The following SLC16A10 variants were observed in gnomAD, a reference collection of about 807,000 sequenced individuals.
SLC16A10 encodes the protein monocarboxylate transporter 10.
Under a neutral mutation model 40.0 loss-of-function variants are expected in SLC16A10, and 27 were observed. The ratio of observed to expected loss-of-function variants is 0.67; its 90% CI spans 0.50 to 0.93. The LOEUF (loss-of-function observed/expected upper bound fraction) is 0.93, where lower values mean the gene tolerates loss of function less well. Among genes scored for constraint, SLC16A10 ranks in the 40% least tolerant of loss-of-function variants. The pLI is 0.00. For missense variants in SLC16A10, 529 were observed against 658.2 expected, an observed-to-expected ratio of 0.80 and a Z score of 2.15; for synonymous variants, 213 against 249.8, an observed-to-expected ratio of 0.85 and a Z score of 1.39.
At chr6:111,185,118 A>G (rs144913824) in intron 3 of SLC16A10, among the ~76,000 whole-genome samples, 1 of 152,262 alleles carries the variant, frequency 6.6e-6, no homozygotes, top group Non-Finnish European at 1.5e-5. Context: ...CCAAAATCTC[A>G]CAGAACCACC....
chr6:111,207,496 A>G (rs1773274010), intron 4 of SLC16A10, among the ~76,000 whole-genome samples: 1 of 152,284 alleles, frequency 6.6e-6, no homozygotes, highest in Admixed American at 6.5e-5. Context: ...CATGCCACAC[A>G]CTCTGCTAAA....
At chr6:111,137,953 G>C (rs983715668) in intron 1 of SLC16A10, among the ~76,000 whole-genome samples, 3 of 152,180 alleles carry the variant, frequency 2.0e-5, no homozygotes, top group African/African-American at 7.2e-5. Flanking sequence ...GAGAGCACAG[G>C]GGGAGGGACA....
At chr6:111,111,062 G>C (rs529740617) in intron 1 of SLC16A10, among the ~76,000 whole-genome samples, 98 of 151,940 alleles carry the variant, frequency 6.4e-4, no homozygotes, top group African/African-American at 2.3e-3. Flanking sequence ...TGCCAGTTCT[G>C]TACAGCCATT....
Position 111,166,893 on chromosome 6 carries a change from T to C in SLC16A10, c.344-5802T>C, listed in dbSNP as rs555915338. Among the ~76,000 whole-genome samples the C allele has an allele frequency of 5.8e-4, 89 of 152,350 alleles. 1 individual carries two copies. Among genetic ancestry groups the C allele is most frequent in the African/African-American group, 2.0e-3 (85 of 41,590 alleles). ...GGTATTTTTCTGTTGAAAGATTTCT[T>C]AACATGGCTTCTTGGATGTGTCTCT... On this transcript the variant is annotated intron_variant, in intron 1 of 5. Coordinates refer to ENST00000368851, the MANE Select transcript of SLC16A10 (RefSeq NM_018593.5).
At chr6:111,151,503 CAA>C (rs1253729134) in intron 1 of SLC16A10, among the ~76,000 whole-genome samples, 3 of 152,198 alleles carry the variant, frequency 2.0e-5, no homozygotes, top group Non-Finnish European at 2.9e-5. Context: ...TGATTTCAGA[CAA>C]TTGTCATTTG....
chr6:111,122,847 A>G (rs1375233196), intron 1 of SLC16A10, among the ~76,000 whole-genome samples: 1 of 152,162 alleles, frequency 6.6e-6, no homozygotes, highest in Non-Finnish European at 1.5e-5. Context: ...GCTTTTCTGC[A>G]TGGTTGGAGT....
intron 4 of SLC16A10, among the ~76,000 whole-genome samples, chr6:111,217,369 A>T (rs1328078023): frequency 6.6e-6 from 1 of 152,234 alleles, no homozygotes; most frequent in African/African-American, 2.4e-5. Flanking sequence ...AGTTGCTATT[A>T]TATGCATACT....
At chr6:111,216,851 A>G (rs565050478) in intron 4 of SLC16A10, among the ~76,000 whole-genome samples, 5 of 152,296 alleles carry the variant, frequency 3.3e-5, no homozygotes, top group African/African-American at 1.2e-4. Flanking sequence ...TTTCAGGAGC[A>G]TGTTTCCTAT....
At chr6:111,163,757 T>C (rs1772419623) in intron 1 of SLC16A10, among the ~76,000 whole-genome samples, 1 of 152,176 alleles carries the variant, frequency 6.6e-6, no homozygotes, top group African/African-American at 2.4e-5. Context: ...CTTTATATTA[T>C]GAAATACAAT....
chr6:111,143,363 A>G (rs1243424426), intron 1 of SLC16A10, among the ~76,000 whole-genome samples: 1 of 151,864 alleles, frequency 6.6e-6, no homozygotes, highest in Non-Finnish European at 1.5e-5. Flanking sequence ...AGTGTGAGCC[A>G]CTATGCCTGA....
intron 1 of SLC16A10, among the ~76,000 whole-genome samples, chr6:111,118,305 C>A (rs536103425): frequency 6.6e-6 from 1 of 152,242 alleles, no homozygotes; most frequent in Admixed American, 6.5e-5. Flanking sequence ...CGAAGTATAA[C>A]CCGCTCAATA....
At chr6:111,131,070 A>G (rs777250082) in intron 1 of SLC16A10, among the ~76,000 whole-genome samples, 3 of 152,184 alleles carry the variant, frequency 2.0e-5, no homozygotes, top group East Asian at 3.9e-4. Flanking sequence ...TTTTCACTCT[A>G]TTAAATCTTG....
chr6:111,205,709 G>A (rs906877964), intron 3 of SLC16A10, among the ~76,000 whole-genome samples: 14 of 152,316 alleles, frequency 9.2e-5, no homozygotes, highest in African/African-American at 3.4e-4. Context: ...GGACTTGAAC[G>A]CAAGCAGTCT....
intron 1 of SLC16A10, among the ~76,000 whole-genome samples, chr6:111,096,113 T>C (rs1199824598): frequency 2.0e-5 from 3 of 152,220 alleles, no homozygotes; most frequent in African/African-American, 4.8e-5. Flanking sequence ...GTTGTACTTA[T>C]GTCAAAGTTG....
chr6:111,120,772 T>C (rs1393746764), intron 1 of SLC16A10, among the ~76,000 whole-genome samples: 1 of 152,232 alleles, frequency 6.6e-6, no homozygotes, highest in African/African-American at 2.4e-5. Flanking sequence ...TTGAGCAAGA[T>C]ATTAGGGTTG....
intron 3 of SLC16A10, among the ~76,000 whole-genome samples, chr6:111,183,382 G>T (rs559928103): frequency 1.3e-5 from 2 of 151,900 alleles, no homozygotes; most frequent in African/African-American, 4.8e-5. Context: ...ATATTTACAC[G>T]TCTGCTAGAA....
chr6:111,164,113 T>C (rs1772428210), intron 1 of SLC16A10, among the ~76,000 whole-genome samples: 1 of 152,236 alleles, frequency 6.6e-6, no homozygotes, highest in East Asian at 1.9e-4. Flanking sequence ...GAATTTCTTT[T>C]GCAAGATTAA....
chr6:111,185,868 G>C (rs1202902641), intron 3 of SLC16A10, among the ~76,000 whole-genome samples: 1 of 151,214 alleles, frequency 6.6e-6, no homozygotes, highest in Non-Finnish European at 1.5e-5. Context: ...TTGGAAAACT[G>C]TTCCCTCCTG....
chr6:111,157,286 T>G lies in SLC16A10; in HGVS notation c.344-15409T>G, dbSNP rs534083878. On this transcript the variant is annotated intron_variant, in intron 1 of 5. Coordinates refer to ENST00000368851, the MANE Select transcript of SLC16A10 (RefSeq NM_018593.5). Reference sequence around the variant, plus strand: ...TCGTACTATTGAGATAAAACTTGGTTGTTGTTGTTGTTTTTGAGATGGAGT... The same window carrying G: ...TCGTACTATTGAGATAAAACTTGGTGGTTGTTGTTGTTTTTGAGATGGAGT... Among the ~76,000 whole-genome samples the G allele has an allele frequency of 9.3e-4, 141 of 151,910 alleles. 2 individuals carry two copies. In the South Asian group the frequency reaches 0.019, roughly 20 times the overall value.
Sources: allele counts gnomAD v4.1 joint callset (sites outside exome capture counted in the v4.1 genomes callset), GRCh38; gene constraint gnomAD v4.1.1; transcripts MANE v1.5; gene names NCBI Gene and HGNC (gene_info 2026-07-23, HGNC 2026-07-21).